Variants in ACSL6 observed in about 807,000 individuals in gnomAD.
The protein encoded by ACSL6 is long-chain-fatty-acid--CoA ligase 6.
In ACSL6, 47 loss-of-function variants were observed where a neutral mutation model predicts 98.2. The observed-to-expected ratio is 0.48, with a 90% confidence interval of 0.38 to 0.61. ACSL6 has a LOEUF of 0.61. Among genes scored for constraint, ACSL6 ranks in the 20% least tolerant of loss-of-function variants. ACSL6 has a pLI of 0.00. For missense variants in ACSL6, 761 were observed against 913.4 expected (o/e 0.83, Z 2.15); for synonymous variants, 362 against 336.9 (o/e 1.07, Z -0.82).
Position 131,988,838 on chromosome 5 carries a change from C to T in ACSL6, c.619G>A (p.Gly207Ser). Residue 207 changes from glycine to serine, a missense_variant, in exon 6 of 21, where the codon GGC (glycine) becomes AGC (serine). Coordinates refer to ENST00000651883, the MANE Select transcript of ACSL6 (RefSeq NM_001009185.3). ...MVVVPLYDTL[G>S]PGAIRYIINT... The stretch of plus-strand genomic sequence containing the variant: ...ATGATGTAGCGGATAGCCCCAGGGC[C>T]CAGGGTGTCATAGAGCGGGACCACC... 6.2e-7 allele frequency: 1 copy of T among 1,613,768 alleles called. No homozygotes were observed. Among genetic ancestry groups the T allele is most frequent in the Non-Finnish European group, 8.5e-7 (1 of 1,179,938 alleles).
intron 10 of ACSL6, 62 bp downstream of exon 10, chr5:131,976,586 A>G (rs1183494563): frequency 1.8e-5 from 25 of 1,378,270 alleles, no homozygotes; most frequent in Non-Finnish European, 2.4e-5. Context: ...ATAAAAAAAA[A>G]TCCTCTGAGG....
intron 1 of ACSL6, among the ~76,000 whole-genome samples, chr5:131,997,451 G>A (rs1008817892): frequency 3.3e-5 from 5 of 152,062 alleles, no homozygotes; most frequent in African/African-American, 1.2e-4. Context: ...CCTTTCCTTC[G>A]CATTGGCACT....
At chr5:131,968,229 T>A in intron 15 of ACSL6, 1 of 535,382 alleles carries the variant, frequency 1.9e-6, no homozygotes, top group Non-Finnish European at 3.3e-6. Context: ...AATCTCTGCC[T>A]GGGCATTTGT....
chr5:131,967,782 C>G (rs1753096389), intron 16 of ACSL6, among the ~76,000 whole-genome samples, 158 bp downstream of exon 16: 1 of 152,036 alleles, frequency 6.6e-6, no homozygotes, highest in Admixed American at 6.6e-5. Flanking sequence ...GCCTCATAAA[C>G]AGGAGAGGAG....
intron 19 of ACSL6, 45 bp downstream of exon 19, chr5:131,960,474 AT>A (rs1752646600): frequency 6.5e-7 from 1 of 1,532,366 alleles, no homozygotes; most frequent in African/African-American, 1.4e-5. Context: ...ATGTGGTACC[AT>A]AAAACATTCA....
At chr5:131,990,459 C>T (rs1437347015) in intron 3 of ACSL6, among the ~76,000 whole-genome samples, 1 of 152,178 alleles carries the variant, frequency 6.6e-6, no homozygotes, top group Non-Finnish European at 1.5e-5. Flanking sequence ...CCAAAGGATA[C>T]AGACACCTGG....
Position 131,972,867 on chromosome 5 carries a change from C to T in ACSL6, c.1204-9G>A, listed in dbSNP as rs1753389753. 4 of 1,614,010 alleles carry T rather than the reference C, an allele frequency of 2.5e-6. No individual in the cohort carries two copies. Among genetic ancestry groups the T allele is most frequent in the Non-Finnish European group, 3.4e-6 (4 of 1,179,994 alleles). On this transcript the variant is annotated splice_polypyrimidine_tract_variant and intron_variant, in intron 12 of 20. Transcript: ENST00000651883. ...TTTGCCTGGCTGAAGATCTGAGGAA[C>T]ATAAGTTGGAAGCAGCTGTCAGAGC...
intron 1 of ACSL6, among the ~76,000 whole-genome samples, chr5:132,007,680 G>T (rs1406432226): frequency 1.3e-5 from 2 of 152,164 alleles, no homozygotes; most frequent in Non-Finnish European, 2.9e-5. Flanking sequence ...CATGGTAGGT[G>T]CTCAGTGAAA....
intron 1 of ACSL6, among the ~76,000 whole-genome samples, chr5:131,997,183 A>T (rs1754836165): frequency 6.6e-6 from 1 of 152,190 alleles, no homozygotes; most frequent in African/African-American, 2.4e-5. Flanking sequence ...TTGGCCTAAA[A>T]TTCCTGAGTT....
intron 18 of ACSL6, 164 bp from the exon 19 acceptor site, chr5:131,960,785 C>A: frequency 1.9e-6 from 1 of 533,908 alleles, no homozygotes; most frequent in Non-Finnish European, 3.3e-6. Flanking sequence ...TATATCATAC[C>A]ATTCATTTTC....
intron 1 of ACSL6, among the ~76,000 whole-genome samples, chr5:132,004,486 C>T (rs764630430): frequency 1.2e-4 from 19 of 152,262 alleles, no homozygotes; most frequent in Admixed American, 7.8e-4. Context: ...CCACAGATCT[C>T]CTGAAATCCA....
At chr5:131,992,432 C>T (rs985437646) in intron 2 of ACSL6, among the ~76,000 whole-genome samples, 2 of 152,220 alleles carry the variant, frequency 1.3e-5, no homozygotes, top group Admixed American at 1.3e-4. Flanking sequence ...TTTCCTACCA[C>T]TGTCTCCTTT....
At chr5:131,981,332 A>AC (rs59748717) in intron 9 of ACSL6, among the ~76,000 whole-genome samples, 41,507 of 146,586 alleles carry the variant, frequency 0.28, 6,292 homozygotes, top group East Asian at 0.49. Context: ...TAAAAAAAAA[A>AC]AAAAAAAAAA....
At chr5:131,999,087 A>G (rs1365431840) in intron 1 of ACSL6, among the ~76,000 whole-genome samples, 1 of 152,210 alleles carries the variant, frequency 6.6e-6, no homozygotes, top group Non-Finnish European at 1.5e-5. Flanking sequence ...AGCTCTGAAA[A>G]GAAAACTACA....
In ACSL6 at chr5:131,959,535, C is replaced by A; in HGVS notation, c.2031+1G>T. The A allele has an allele frequency of 6.2e-7, 1 of 1,614,046 alleles. No homozygotes were observed. Among genetic ancestry groups the A allele is most frequent in the Non-Finnish European group, 8.5e-7 (1 of 1,179,928 alleles). On this transcript the variant is annotated splice_donor_variant, in intron 20 of 20. Transcript: ENST00000651883. LOFTEE classifies it high-confidence loss of function. ...ACGAGTATGGGGAAGGTAACAGTTA[C>A]CTGCTCAAAAGAATGGAGTCCACTT...
In ACSL6 at chr5:131,963,354, G is replaced by A. The variant is rs188270229; in HGVS notation, c.1714-676C>T. Among the ~76,000 whole-genome samples the A allele has an allele frequency of 2.6e-5, 4 of 152,156 alleles. No homozygotes were observed. In the East Asian group the frequency reaches 5.8e-4, roughly 22 times the overall value. ...CTTTCTGAGCTTCCAAGGTGATTACGTGGGCCTCTTTCCCCTCACCGCCAC... is the reference window on the plus strand; with the variant it reads ...CTTTCTGAGCTTCCAAGGTGATTACATGGGCCTCTTTCCCCTCACCGCCAC... On this transcript the variant is annotated intron_variant, in intron 17 of 20. Transcript: ENST00000651883.
At chr5:132,005,684 G>T (rs247006) in intron 1 of ACSL6, among the ~76,000 whole-genome samples, 1 of 152,094 alleles carries the variant, frequency 6.6e-6, no homozygotes, top group Non-Finnish European at 1.5e-5. Flanking sequence ...GGGTGCGTGG[G>T]CAGGAGGAGT....
intron 1 of ACSL6, among the ~76,000 whole-genome samples, chr5:132,002,850 C>A (rs1376550200): frequency 6.6e-6 from 1 of 152,104 alleles, no homozygotes; most frequent in East Asian, 1.9e-4. Flanking sequence ...GGCAGGATGG[C>A]ACTTAGCTAT....
chr5:131,956,925 A>G (rs1300826016), intron 20 of ACSL6, among the ~76,000 whole-genome samples: 1 of 152,172 alleles, frequency 6.6e-6, no homozygotes, highest in East Asian at 1.9e-4. Flanking sequence ...TCCCTTCCTG[A>G]AACCATACTC....
Sources: allele counts gnomAD v4.1 joint callset (sites outside exome capture counted in the v4.1 genomes callset), GRCh38; gene constraint gnomAD v4.1.1; transcripts MANE v1.5; gene names NCBI Gene and HGNC (gene_info 2026-07-23, HGNC 2026-07-21).